WDR47: variants seen among roughly 807,000 people sequenced by gnomAD.
WDR47 encodes the protein WD repeat-containing protein 47.
WDR47 carries 32 observed loss-of-function variants against 97.2 expected under a neutral mutation model. That is an observed-to-expected ratio of 0.33 (90% confidence interval 0.25 to 0.44). The LOEUF (loss-of-function observed/expected upper bound fraction) is 0.44, where lower values mean the gene tolerates loss of function less well. Ranked by LOEUF, WDR47 falls within the 20% of genes least tolerant of loss-of-function variation. The pLI is 1.00. For missense variants in WDR47, 782 were observed against 1,102.3 expected (o/e 0.71, Z 4.11); for synonymous variants, 375 against 373.5 (o/e 1.00, Z -0.05).
intron 5 of WDR47, among the ~76,000 whole-genome samples, chr1:109,007,237 A>G (rs1413473613): frequency 6.6e-6 from 1 of 152,010 alleles, no homozygotes; most frequent in Non-Finnish European, 1.5e-5. Context: ...AAAAAAAAAA[A>G]AAGATACTGA....
intron 2 of WDR47, among the ~76,000 whole-genome samples, chr1:109,023,094 G>T (rs1197296215): frequency 1.3e-5 from 2 of 151,508 alleles, no homozygotes; most frequent in African/African-American, 2.4e-5. Context: ...TCCCAGCTAC[G>T]CAGGAGGCTG....
chr1:108,986,660 C>T lies in WDR47; in HGVS notation c.1788G>A (p.Gln596=), dbSNP rs1207824050. 1.2e-6 allele frequency: 2 copies of T among 1,606,648 alleles called. No individual in the cohort carries two copies. The highest frequency in any genetic ancestry group is 1.1e-5 in the South Asian group (1 of 89,978). ...CTTCTAGGATATTAATACAAACAAA[C>T]TGCTTTTTTGATTTGTCATCCTATG... is the stretch of plus-strand genomic sequence containing the variant. ...KGEEDDKSKK[Q]FVCINILEDT... Residue 596 remains glutamine (Q), a synonymous_variant, in exon 10 of 15, where the codon CAG becomes CAA. Coordinates refer to ENST00000369962, the MANE Select transcript of WDR47 (RefSeq NM_001142551.2).
chr1:109,039,380 C>T (rs1663186375), intron 1 of WDR47, among the ~76,000 whole-genome samples: 1 of 152,020 alleles, frequency 6.6e-6, no homozygotes, highest in African/African-American at 2.4e-5. Flanking sequence ...ACCTCAGCCT[C>T]CCAAATAGCT....
chr1:109,034,225 T>G (rs996274973), intron 1 of WDR47, among the ~76,000 whole-genome samples: 2 of 152,076 alleles, frequency 1.3e-5, no homozygotes, highest in African/African-American at 4.8e-5. Flanking sequence ...GAGGCGGAGG[T>G]TGCAGTGAGC....
intron 1 of WDR47, among the ~76,000 whole-genome samples, chr1:109,039,767 G>A (rs1378690168): frequency 6.6e-5 from 10 of 152,118 alleles, no homozygotes; most frequent in Non-Finnish European, 1.5e-4. Flanking sequence ...GTCAGGCACG[G>A]TGGCTCAAGC....
chr1:108,989,131 T>C (rs927867456), intron 9 of WDR47, among the ~76,000 whole-genome samples: 2 of 152,188 alleles, frequency 1.3e-5, no homozygotes, highest in African/African-American at 4.8e-5. Flanking sequence ...CAGTTCTGTA[T>C]AAAAGCTTTG....
At chr1:109,016,149 T>C (rs1029595795) in intron 3 of WDR47, among the ~76,000 whole-genome samples, 1 of 152,050 alleles carries the variant, frequency 6.6e-6, no homozygotes, top group Non-Finnish European at 1.5e-5. Flanking sequence ...ATACTTGTAA[T>C]CCTAGCACTT....
chr1:109,003,346 T>A (rs1311102075), intron 6 of WDR47, among the ~76,000 whole-genome samples: 1 of 152,250 alleles, frequency 6.6e-6, no homozygotes, highest in Non-Finnish European at 1.5e-5. Context: ...CATATCCATG[T>A]ACTTTTAATA....
intron 5 of WDR47, among the ~76,000 whole-genome samples, chr1:109,009,991 T>G (rs1380987733): frequency 1.3e-5 from 2 of 148,738 alleles, no homozygotes; most frequent in Non-Finnish European, 3.0e-5. Context: ...AAAGCAAAAC[T>G]CCATCTCAAA....
Position 108,995,761 on chromosome 1 carries a change from A to G in WDR47, c.1510T>C (p.Cys504Arg), listed in dbSNP as rs2101878873. The part of the protein sequence containing the change: ...GNEVSALNQQ[C>R]NGSKGNGSNG... ...GATCCATTGCCTTTGCTCCCATTAC[A>G]TTGCTGGTTGAGTGCTGATACCTCA... The change falls in exon 8 of 15, where the codon TGT (cysteine) becomes CGT (arginine). Residue 504 changes from cysteine (C) to arginine (R), a missense_variant. By Grantham distance (180) the Cys-to-Arg change is radical. This residue lies in a region of WDR47 where 126 missense variants were observed against 121.3 expected (regional missense o/e 1.04). Transcript: ENST00000369962. 1.2e-6 allele frequency: 2 copies of G among 1,614,094 alleles called. No homozygotes were observed. Among genetic ancestry groups the G allele is most frequent in the East Asian group, 2.2e-5 (1 of 44,862 alleles).
rs1657369038 is a variant in WDR47, at chr1:108,970,420, A to G, written c.*1010T>C. ...AAATTACTGTACAATATGAAAATAA[A>G]GATACATAAATGTTAGAATCTACAA... On this transcript the variant is annotated 3_prime_UTR_variant, in exon 15 of 15. Transcript: ENST00000369962. 1 of 152,684 alleles carries G rather than the reference A, an allele frequency of 6.5e-6. No homozygotes were observed. Among genetic ancestry groups the G allele is most frequent in the Non-Finnish European group, 1.5e-5 (1 of 68,046 alleles). 9.5% of individuals were successfully genotyped at this position (152,684 alleles called of 1,614,324 possible).
chr1:108,974,013 G>A (rs532233719), intron 14 of WDR47, among the ~76,000 whole-genome samples: 1 of 152,274 alleles, frequency 6.6e-6, no homozygotes, highest in South Asian at 2.1e-4. Flanking sequence ...GCGCAACATG[G>A]CAAAATTTTG....
intron 6 of WDR47, among the ~76,000 whole-genome samples, chr1:109,003,415 G>T (rs1306671850): frequency 6.6e-6 from 1 of 151,778 alleles, no homozygotes; most frequent in Non-Finnish European, 1.5e-5. Context: ...TTGCTATAAA[G>T]AAATATATTC....
At chr1:109,001,563 C>T (rs1660191992) in intron 7 of WDR47, among the ~76,000 whole-genome samples, 1 of 152,072 alleles carries the variant, frequency 6.6e-6, no homozygotes. Flanking sequence ...TATTTATCCT[C>T]ATGGTAACCT....
At chr1:109,030,757 T>A (rs1662562810) in intron 1 of WDR47, among the ~76,000 whole-genome samples, 1 of 113,210 alleles carries the variant, frequency 8.8e-6, no homozygotes, top group Admixed American at 1.0e-4. Context: ...TCTTTTCCTT[T>A]AAAAAAAAAA....
chr1:109,030,202 C>T lies in WDR47; in HGVS notation c.-9-6681G>A, dbSNP rs541100902. On this transcript the variant is annotated intron_variant, in intron 1 of 14. Coordinates refer to ENST00000369962, the MANE Select transcript of WDR47 (RefSeq NM_001142551.2). ...CCAGGATAATATAAATCACCACGGTCTTTAGCCATGCACAAATGGTAGTTT... is the reference window on the plus strand; with the variant it reads ...CCAGGATAATATAAATCACCACGGTTTTTAGCCATGCACAAATGGTAGTTT... 17 of 1,540,434 alleles carry T rather than the reference C, an allele frequency of 1.1e-5. No individual in the cohort carries two copies. In the East Asian group the frequency reaches 2.8e-4, roughly 25 times the overall value.
chr1:109,036,384 C>T (rs1662943201), intron 1 of WDR47, among the ~76,000 whole-genome samples: 1 of 149,690 alleles, frequency 6.7e-6, no homozygotes, highest in African/African-American at 2.5e-5. Context: ...CCATCCTGGC[C>T]AACATGGTGA....
intron 1 of WDR47, among the ~76,000 whole-genome samples, chr1:109,033,219 A>AG (rs932455922): frequency 6.6e-6 from 1 of 151,940 alleles, no homozygotes; most frequent in Non-Finnish European, 1.5e-5. Flanking sequence ...ACTTGAACCC[A>AG]GGGGGGCAGA....
intron 1 of WDR47, among the ~76,000 whole-genome samples, 165 bp from the exon 2 acceptor site, chr1:109,023,686 G>A (rs956062693): frequency 6.6e-6 from 1 of 152,118 alleles, no homozygotes; most frequent in Non-Finnish European, 1.5e-5. Flanking sequence ...TTTAATATGT[G>A]ACAATGGTAT....
Sources: allele counts gnomAD v4.1 joint callset (sites outside exome capture counted in the v4.1 genomes callset), GRCh38; gene constraint gnomAD v4.1.1; regional missense constraint gnomAD v4.1.1; transcripts MANE v1.5; gene names NCBI Gene and HGNC (gene_info 2026-07-23, HGNC 2026-07-21).